The following NTRK3 variants were observed in gnomAD, a reference collection of about 807,000 sequenced individuals.
The protein encoded by NTRK3 is neurotrophic receptor tyrosine kinase 3.
A neutral mutation model predicts 91.7 loss-of-function variants in NTRK3; 24 were observed. The ratio of observed to expected loss-of-function variants is 0.26; its 90% CI spans 0.19 to 0.37. NTRK3 has a LOEUF of 0.37. Among genes scored for constraint, NTRK3 ranks in the 10% least tolerant of loss-of-function variants. NTRK3 has a pLI of 1.00. For missense variants in NTRK3, 880 were observed against 1,068.9 expected (o/e 0.82, Z 2.46); for synonymous variants, 483 against 404.0 (o/e 1.20, Z -2.34).
intron 17 of NTRK3, chr15:87,928,969 C>T (rs1596291473): frequency 9.5e-6 from 6 of 628,698 alleles, no homozygotes; most frequent in Admixed American, 8.0e-5. Flanking sequence ...GATTACAGTT[C>T]AGTTAAATGT....
At chr15:88,138,179 G>A (rs2042052296) in intron 6 of NTRK3, among the ~76,000 whole-genome samples, 1 of 152,080 alleles carries the variant, frequency 6.6e-6, no homozygotes, top group South Asian at 2.1e-4. Flanking sequence ...CGAGGTGGGA[G>A]GATCACAAGG....
intron 14 of NTRK3, among the ~76,000 whole-genome samples, chr15:87,945,659 G>A (rs1398983942): frequency 1.3e-5 from 2 of 152,168 alleles, no homozygotes; most frequent in Admixed American, 1.3e-4. Flanking sequence ...GGACACAGAG[G>A]TGACCACTGT....
At chr15:88,113,310 TC>T (rs1847611512) in intron 13 of NTRK3, among the ~76,000 whole-genome samples, 2 of 116,874 alleles carry the variant, frequency 1.7e-5, no homozygotes, top group Admixed American at 8.6e-5. Context: ...CTGATCAATT[TC>T]TTTTTTTTTT....
intron 14 of NTRK3, among the ~76,000 whole-genome samples, chr15:88,022,510 G>A (rs553820695): frequency 6.6e-6 from 1 of 152,292 alleles, no homozygotes; most frequent in East Asian, 1.9e-4. Flanking sequence ...GAAATCTTGA[G>A]CTAGAAAGGA....
At chr15:88,238,217 A>C (rs1361280237) in intron 3 of NTRK3, among the ~76,000 whole-genome samples, 1 of 152,212 alleles carries the variant, frequency 6.6e-6, no homozygotes, top group Non-Finnish European at 1.5e-5. Context: ...TATGCTTTTT[A>C]AGCCACCCAG....
intron 15 of NTRK3, among the ~76,000 whole-genome samples, chr15:87,936,178 T>C (rs1038098835): frequency 2.0e-5 from 3 of 152,220 alleles, no homozygotes; most frequent in Admixed American, 6.5e-5. Context: ...CGATTTATCA[T>C]AGTTACCAAC....
chr15:88,228,669 G>T (rs757084355), intron 3 of NTRK3, among the ~76,000 whole-genome samples: 1 of 152,130 alleles, frequency 6.6e-6, no homozygotes, highest in Non-Finnish European at 1.5e-5. Flanking sequence ...TATTATAGTT[G>T]TCTATTGGGG....
Position 88,012,625 on chromosome 15 carries a change from T to A in NTRK3, c.1585+20232A>T, listed in dbSNP as rs148142569. Among the ~76,000 whole-genome samples, 31 of 152,320 alleles carry A rather than the reference T, an allele frequency of 2.0e-4. 1 individual carries two copies. In the East Asian group the frequency reaches 5.8e-3, roughly 28 times the overall value. Reference sequence around the variant, plus strand: ...GTTTATTTGTGCTCCTAACACCCAATACAGAACCTAGAACTTAATGGATGC... The same window carrying A: ...GTTTATTTGTGCTCCTAACACCCAAAACAGAACCTAGAACTTAATGGATGC... On this transcript the variant is annotated intron_variant, in intron 14 of 18. Coordinates refer to ENST00000394480, the Ensembl canonical transcript of NTRK3.
At chr15:88,055,397 A>G (rs1474839462) in intron 13 of NTRK3, among the ~76,000 whole-genome samples, 1 of 152,222 alleles carries the variant, frequency 6.6e-6, no homozygotes, top group African/African-American at 2.4e-5. Context: ...CTGGACTCAA[A>G]CTCAGATTCT....
intron 17 of NTRK3, among the ~76,000 whole-genome samples, chr15:87,888,940 T>A (rs11638486): frequency 4.6e-5 from 7 of 151,936 alleles, no homozygotes; most frequent in African/African-American, 1.7e-4. Flanking sequence ...ATCTCACTCC[T>A]TTTGGCTCTG....
intron 14 of NTRK3, among the ~76,000 whole-genome samples, chr15:87,960,530 G>C (rs953939391): frequency 2.0e-5 from 3 of 151,700 alleles, no homozygotes; most frequent in Non-Finnish European, 2.9e-5. Flanking sequence ...TCTCACCCAG[G>C]CTGGAGTGCA....
chr15:87,897,878 G>A (rs1265671313), intron 17 of NTRK3, among the ~76,000 whole-genome samples: 3 of 152,136 alleles, frequency 2.0e-5, no homozygotes, highest in Non-Finnish European at 2.9e-5. Context: ...CCAAAAGAAC[G>A]AAGGAAATAA....
chr15:88,048,927 T>A (rs2080522861), intron 13 of NTRK3, among the ~76,000 whole-genome samples: 1 of 152,212 alleles, frequency 6.6e-6, no homozygotes, highest in Non-Finnish European at 1.5e-5. Context: ...ACCTTATCTC[T>A]GTGAGGCTTC....
intron 13 of NTRK3, among the ~76,000 whole-genome samples, chr15:88,062,553 GC>G (rs1293921302): frequency 6.6e-6 from 1 of 152,122 alleles, no homozygotes; most frequent in Non-Finnish European, 1.5e-5. Context: ...AGCCCTAGCT[GC>G]CAATTTAGCC....
At chr15:87,992,571 A>C (rs568659685) in intron 14 of NTRK3, among the ~76,000 whole-genome samples, 1 of 152,376 alleles carries the variant, frequency 6.6e-6, no homozygotes, top group South Asian at 2.1e-4. Context: ...GGAAAAAAAA[A>C]CCAACAACCA....
chr15:87,960,598 C>A (rs2072175888), intron 14 of NTRK3, among the ~76,000 whole-genome samples: 1 of 152,072 alleles, frequency 6.6e-6, no homozygotes, highest in Non-Finnish European at 1.5e-5. Flanking sequence ...GATTCTCCTG[C>A]CTCAGCCTCC....
chr15:88,144,980 C>T (rs918186707), intron 6 of NTRK3, among the ~76,000 whole-genome samples: 1 of 152,184 alleles, frequency 6.6e-6, no homozygotes, highest in African/African-American at 2.4e-5. Context: ...AAACCTCACA[C>T]TTCTGGCCTG....
chr15:88,074,447 C>T (rs1316613063), intron 13 of NTRK3, among the ~76,000 whole-genome samples: 2 of 152,220 alleles, frequency 1.3e-5, no homozygotes, highest in East Asian at 1.9e-4. Context: ...ACACGGCTAG[C>T]AGCCATCGTA....
chr15:88,143,484 C>G (rs1372071891), intron 6 of NTRK3, among the ~76,000 whole-genome samples: 4 of 152,146 alleles, frequency 2.6e-5, no homozygotes, highest in Admixed American at 6.5e-5. Flanking sequence ...TTTAAGCCAC[C>G]AAGTGTGTGG....
Sources: allele counts gnomAD v4.1 joint callset (sites outside exome capture counted in the v4.1 genomes callset), GRCh38; gene constraint gnomAD v4.1.1; transcripts MANE v1.5; gene names NCBI Gene and HGNC (gene_info 2026-07-23, HGNC 2026-07-21).